RTL6: variants seen among roughly 807,000 people sequenced by gnomAD.
RTL6 encodes retrotransposon Gag-like protein 6.
A neutral mutation model predicts 12.4 loss-of-function variants in RTL6; 9 were observed. The ratio of observed to expected loss-of-function variants is 0.73; its 90% CI spans 0.44 to 1.27. The LOEUF is 1.27. Among genes scored for constraint, RTL6 ranks in the 50% most tolerant of loss-of-function variants. The pLI, the probability that RTL6 is intolerant of heterozygous loss-of-function variation, is 0.00. For synonymous variants in RTL6, 160 were observed against 142.8 expected (o/e 1.12, Z -0.86); for missense variants, 291 against 330.7 (o/e 0.88, Z 0.93).
chr22:44,495,156 TG>T lies in RTL6; in HGVS notation c.*1680del. On this transcript the variant is annotated 3_prime_UTR_variant, in exon 2 of 2. Transcript: ENST00000341255. The stretch of plus-strand genomic sequence containing the variant: ...AGCAGGGCAATTGGGCTAACAGAGT[TG>T]ATGGTGAGTGGGTGGCAGTAGTCTG... 6.5e-6 allele frequency: 1 copy of T among 152,686 alleles called. No homozygotes were observed. The highest frequency in any genetic ancestry group is 1.5e-5 in the Non-Finnish European group (1 of 68,068). The allele number at this position is 152,686 out of a possible 1,614,324, so 9.5% of individuals were successfully genotyped here. A position where few individuals can be genotyped will look rare whatever the true frequency, so the allele number is the denominator to read the frequency against.
Position 44,497,262 on chromosome 22 carries a change from T to G in RTL6, c.295A>C (p.Thr99Pro), listed in dbSNP as rs767579447. 6.2e-7 allele frequency: 1 copy of G among 1,613,602 alleles called. No homozygotes were observed. Among genetic ancestry groups the G allele is most frequent in the Non-Finnish European group, 8.5e-7 (1 of 1,179,874 alleles). The change falls in exon 2 of 2, where the codon ACC (threonine) becomes CCC (proline). Residue 99 changes from threonine to proline, a missense_variant. Physicochemically the swap from Thr to Pro is conservative, Grantham distance 38. This residue lies in a region of RTL6 where 155 missense variants were observed against 149.2 expected (regional missense o/e 1.04). Coordinates refer to ENST00000341255, the MANE Select transcript of RTL6 (RefSeq NM_032287.3). ...CCGGAAAAGGGCTCGGGCAGAGAGG[T>G]TGGAGGTGTGGTCATGGGTCGAGTC... ...NGTRPMTTPP[T>P]SLPEPFSGDP...
Position 44,497,101 on chromosome 22 carries a change from A to G in RTL6, c.456T>C (p.Ala152=). 6.2e-7 allele frequency: 1 copy of G among 1,614,210 alleles called. No homozygotes were observed. The highest frequency in any genetic ancestry group is 8.5e-7 in the Non-Finnish European group (1 of 1,180,026). Residue 152 remains alanine, a synonymous_variant, in exon 2 of 2, where the codon GCT becomes GCC. Transcript: ENST00000341255. The stretch of plus-strand genomic sequence containing the variant: ...GGCTGTCAGGTTGCATGTGGGGGAT[A>G]GCCCACTTCTCCGCCTCCCCAGTCA... ...SRLTGEAEKW[A]IPHMQPDSPL... is the part of the protein sequence containing the mutation.
rs1924390339 is a variant in RTL6, at chr22:44,494,610, C to T, written c.*2227G>A. On this transcript the variant is annotated 3_prime_UTR_variant, in exon 2 of 2. Transcript: ENST00000341255. ...ATGCCAAACAAAGGTGGAGCAGCTG[C>T]TTGGATTGGGTGCCCATAGGCAGAG... 6.5e-6 allele frequency: 1 copy of T among 152,698 alleles called. No individual in the cohort carries two copies. The highest frequency in any genetic ancestry group is 2.1e-4 in the South Asian group (1 of 4,818). 9.5% of individuals were successfully genotyped at this position (152,698 alleles called of 1,614,324 possible). A position where few individuals can be genotyped will look rare whatever the true frequency, so the allele number is the denominator to read the frequency against.
rs914206108 is a variant in RTL6, at chr22:44,495,269, C to T, written c.*1568G>A. The T allele has an allele frequency of 1.3e-5, 2 of 152,674 alleles. No individual in the cohort carries two copies. Among genetic ancestry groups the T allele is most frequent in the African/African-American group, 4.8e-5 (2 of 41,456 alleles). The allele number at this position is 152,674 out of a possible 1,614,324, so 9.5% of individuals were successfully genotyped here. A position where few individuals can be genotyped will look rare whatever the true frequency, so the allele number is the denominator to read the frequency against. ...GTCACTTTTCCCAGCATCATCAAAA[C>T]TCTTAAGAAGCCAGGCCCAAGGACC... On this transcript the variant is annotated 3_prime_UTR_variant, in exon 2 of 2. Transcript: ENST00000341255.
At position 44,492,628 on chromosome 22, in the gene RTL6, A is replaced by T. The variant is rs890460068; in HGVS notation, c.*4209T>A. The T allele has an allele frequency of 1.3e-5, 2 of 152,244 alleles. No homozygotes were observed. The highest frequency in any genetic ancestry group is 4.1e-4 in the South Asian group (2 of 4,832). 9.4% of individuals were successfully genotyped at this position (152,244 alleles called of 1,614,324 possible). A position where few individuals can be genotyped will look rare whatever the true frequency, so the allele number is the denominator to read the frequency against. The stretch of plus-strand genomic sequence containing the variant: ...TCTTTAATATATACCGAGCTCATAC[A>T]AATTTATCTGACCCCAGAAGATAGA... On this transcript the variant is annotated 3_prime_UTR_variant, in exon 2 of 2. Coordinates refer to ENST00000341255, the MANE Select transcript of RTL6 (RefSeq NM_032287.3).
At position 44,494,789 on chromosome 22, in the gene RTL6, A is replaced by G. The variant is rs1924398660; in HGVS notation, c.*2048T>C. 6.6e-6 allele frequency: 1 copy of G among 152,146 alleles called. No individual in the cohort carries two copies. The highest frequency in any genetic ancestry group is 1.5e-5 in the Non-Finnish European group (1 of 68,090). 9.4% of individuals were successfully genotyped at this position (152,146 alleles called of 1,614,324 possible). On this transcript the variant is annotated 3_prime_UTR_variant, in exon 2 of 2. Coordinates refer to ENST00000341255, the MANE Select transcript of RTL6 (RefSeq NM_032287.3). ...GACATGGTAGGGCTTTCAAAAAGCC[A>G]CTCGAGTAGAGTGAGCGCTGGCGAC...
chr22:44,492,810 C>A lies in RTL6; in HGVS notation c.*4027G>T, dbSNP rs942258207. ...TTTAGCCAGATGATAATTCCCAATA[C>A]GGGCAAGATGGACATGTTTATCCTT... On this transcript the variant is annotated 3_prime_UTR_variant, in exon 2 of 2. Coordinates refer to ENST00000341255, the MANE Select transcript of RTL6 (RefSeq NM_032287.3). 1 of 152,194 alleles carries A rather than the reference C, an allele frequency of 6.6e-6. No homozygotes were observed. Among genetic ancestry groups the A allele is most frequent in the Non-Finnish European group, 1.5e-5 (1 of 68,042 alleles). The allele number at this position is 152,194 out of a possible 1,614,324, so 9.4% of individuals were successfully genotyped here.
rs1924340007 is a variant in RTL6 at position 44,492,779 on chromosome 22, C to T, written c.*4058G>A. Reference sequence around the variant, plus strand: ...TGCTATTTTTTCATTATCAAATTAGCAAATATTTAGCCAGATGATAATTCC... The same window carrying T: ...TGCTATTTTTTCATTATCAAATTAGTAAATATTTAGCCAGATGATAATTCC... On this transcript the variant is annotated 3_prime_UTR_variant, in exon 2 of 2. Transcript: ENST00000341255. The T allele has an allele frequency of 6.6e-6, 1 of 152,164 alleles. No individual in the cohort carries two copies. The highest frequency in any genetic ancestry group is 2.4e-5 in the African/African-American group (1 of 41,434). 9.4% of individuals were successfully genotyped at this position (152,164 alleles called of 1,614,324 possible). A position where few individuals can be genotyped will look rare whatever the true frequency, so the allele number is the denominator to read the frequency against.
chr22:44,497,638 G>C lies in RTL6; in HGVS notation c.-82C>G. The C allele has an allele frequency of 6.6e-7, 1 of 1,506,860 alleles. No homozygotes were observed. The highest frequency in any genetic ancestry group is 1.3e-5 in the South Asian group (1 of 76,174). 93.3% of individuals were successfully genotyped at this position (1,506,860 alleles called of 1,614,324 possible). ...GACCAGGTGGGCCCCTGTAGAAATGGGGGCAGTGTGGGGTGCACGACGGCA... is the reference window on the plus strand; with the variant it reads ...GACCAGGTGGGCCCCTGTAGAAATGCGGGCAGTGTGGGGTGCACGACGGCA... On this transcript the variant is annotated 5_prime_UTR_variant, in exon 2 of 2. Coordinates refer to ENST00000341255, the MANE Select transcript of RTL6 (RefSeq NM_032287.3).
In RTL6 at chr22:44,496,907, C is replaced by A; in HGVS notation, c.650G>T (p.Cys217Phe). ...CCCGTTGGAAGCTGGATGCACTGGG[C>A]AAGGCCCCGTGCCCGCAGAGGCCAG... Reference protein sequence around the residue: ...RQLASAGTGPCPVHPASNGTS... With the variant: ...RQLASAGTGPFPVHPASNGTS... The change falls in exon 2 of 2, where the codon TGC becomes TTC. Residue 217 changes from cysteine (C) to phenylalanine (F), a missense_variant. By Grantham distance (205) the Cys-to-Phe change is radical. This residue lies in a region of RTL6 where 132 missense variants were observed against 163.9 expected (regional missense o/e 0.81). Coordinates refer to ENST00000341255, the MANE Select transcript of RTL6 (RefSeq NM_032287.3). 2 of 1,610,586 alleles carry A rather than the reference C, an allele frequency of 1.2e-6. No homozygotes were observed. The highest frequency in any genetic ancestry group is 1.7e-6 in the Non-Finnish European group (2 of 1,178,296).
At position 44,497,519 on chromosome 22, in the gene RTL6, G is replaced by T. The variant is rs1400675654; in HGVS notation, c.38C>A (p.Ala13Asp). The change falls in exon 2 of 2, where the codon GCC becomes GAC. Residue 13 changes from alanine (A) to aspartate (D), a missense_variant. This residue lies in a region of RTL6 where 155 missense variants were observed against 149.2 expected (regional missense o/e 1.04). Transcript: ENST00000341255. ...QPQTSKAESP[A>D]LAASPNAQMD... The stretch of plus-strand genomic sequence containing the variant: ...CTGGGCATTCGGAGACGCTGCCAAG[G>T]CTGGGCTTTCAGCTTTGGACGTCTG... 2 of 1,613,990 alleles carry T rather than the reference G, an allele frequency of 1.2e-6. No individual in the cohort carries two copies. Among genetic ancestry groups the T allele is most frequent in the Admixed American group, 3.3e-5 (2 of 60,016 alleles).
rs528387342 is a variant in RTL6 at position 44,497,354 on chromosome 22, C to T, written c.203G>A (p.Arg68His). The T allele has an allele frequency of 3.1e-6, 5 of 1,612,482 alleles. No homozygotes were observed. In the South Asian group the frequency reaches 4.4e-5, roughly 14 times the overall value. Residue 68 changes from arginine to histidine, a missense_variant, in exon 2 of 2, where the codon CGC becomes CAC. Arg to His is a conservative substitution (Grantham distance 29). Coordinates refer to ENST00000341255, the MANE Select transcript of RTL6 (RefSeq NM_032287.3). ...AGCCCCCGGGATCCGCGCCCTGGTG[C>T]GTAACAAGGTCAGCTCTGCCATCAC... ...ESVMAELTLL[R>H]TRARIPGALQ...
chr22:44,492,637 T>C lies in RTL6; in HGVS notation c.*4200A>G, dbSNP rs1417824809. On this transcript the variant is annotated 3_prime_UTR_variant, in exon 2 of 2. Transcript: ENST00000341255. ...TATACCGAGCTCATACAAATTTATCTGACCCCAGAAGATAGAGCAAAGGAC... is the reference window on the plus strand; with the variant it reads ...TATACCGAGCTCATACAAATTTATCCGACCCCAGAAGATAGAGCAAAGGAC... The C allele has an allele frequency of 6.6e-6, 1 of 152,218 alleles. No homozygotes were observed. The highest frequency in any genetic ancestry group is 2.4e-5 in the African/African-American group (1 of 41,448). 9.4% of individuals were successfully genotyped at this position (152,218 alleles called of 1,614,324 possible).
rs573407095 is a variant in RTL6 at position 44,497,699 on chromosome 22, G to C, written c.-143C>G. 529 of 1,161,248 alleles carry C rather than the reference G, an allele frequency of 4.6e-4. 5 individuals carry two copies. The African/African-American group carries it at 7.7e-3, about 17-fold the overall frequency. 71.9% of individuals were successfully genotyped at this position (1,161,248 alleles called of 1,614,324 possible). On this transcript the variant is annotated 5_prime_UTR_variant, in exon 2 of 2. Transcript: ENST00000341255. Reference sequence around the variant, plus strand: ...AGACCCCCAAGCCGAGGGCCCGAGAGAGGGGCACGCGGTGCCAGGCCCTAG... The same window carrying C: ...AGACCCCCAAGCCGAGGGCCCGAGACAGGGGCACGCGGTGCCAGGCCCTAG...
At position 44,497,763 on chromosome 22, in the gene RTL6, G is replaced by A; in HGVS notation, c.-207C>T. 1 of 626,704 alleles carries A rather than the reference G, an allele frequency of 1.6e-6. No homozygotes were observed. Among genetic ancestry groups the A allele is most frequent in the Non-Finnish European group, 2.8e-6 (1 of 353,374 alleles). 38.8% of individuals were successfully genotyped at this position (626,704 alleles called of 1,614,324 possible). A position where few individuals can be genotyped will look rare whatever the true frequency, so the allele number is the denominator to read the frequency against. The stretch of plus-strand genomic sequence containing the variant: ...GGTCCCACGCGGCTCCTTTACTGCA[G>A]ACTTCGCGGACTACGGAGCCAGACG... On this transcript the variant is annotated 5_prime_UTR_variant, in exon 2 of 2. Coordinates refer to ENST00000341255, the MANE Select transcript of RTL6 (RefSeq NM_032287.3).
chr22:44,496,767 A>G lies in RTL6; in HGVS notation c.*70T>C. ...ACAGGGGCAAAGCTGTCGTATGGGC[A>G]TTTCTTCTACACAGCAAAGAGCGTA... On this transcript the variant is annotated 3_prime_UTR_variant, in exon 2 of 2. Coordinates refer to ENST00000341255, the MANE Select transcript of RTL6 (RefSeq NM_032287.3). 1 of 1,502,346 alleles carries G rather than the reference A, an allele frequency of 6.7e-7. No individual in the cohort carries two copies. The highest frequency in any genetic ancestry group is 1.3e-5 in the South Asian group (1 of 74,744). The allele number at this position is 1,502,346 out of a possible 1,614,324, so 93.1% of individuals were successfully genotyped here. A position where few individuals can be genotyped will look rare whatever the true frequency, so the allele number is the denominator to read the frequency against.
rs947710113 is a variant in RTL6, at chr22:44,493,945, A to T, written c.*2892T>A. 1 of 152,236 alleles carries T rather than the reference A, an allele frequency of 6.6e-6. No individual in the cohort carries two copies. The highest frequency in any genetic ancestry group is 2.4e-5 in the African/African-American group (1 of 41,442). The allele number at this position is 152,236 out of a possible 1,614,324, so 9.4% of individuals were successfully genotyped here. A position where few individuals can be genotyped will look rare whatever the true frequency, so the allele number is the denominator to read the frequency against. On this transcript the variant is annotated 3_prime_UTR_variant, in exon 2 of 2. Coordinates refer to ENST00000341255, the MANE Select transcript of RTL6 (RefSeq NM_032287.3). ...TCCACTCCTCCTCATTGCTCATCAC[A>T]TACTTACCTGGGGACAATGAAATAG...
Position 44,497,113 on chromosome 22 carries a change from C to T in RTL6, c.444G>A (p.Ala148=), listed in dbSNP as rs748594163. 5.6e-6 allele frequency: 9 copies of T among 1,614,170 alleles called. No homozygotes were observed. Among genetic ancestry groups the T allele is most frequent in the Non-Finnish European group, 7.6e-6 (9 of 1,180,006 alleles). Residue 148 remains alanine, a synonymous_variant, in exon 2 of 2, where the codon GCG becomes GCA. Coordinates refer to ENST00000341255, the MANE Select transcript of RTL6 (RefSeq NM_032287.3). Reference sequence around the variant, plus strand: ...GCATGTGGGGGATAGCCCACTTCTCCGCCTCCCCAGTCAGTCGAGACACAA... The same window carrying T: ...GCATGTGGGGGATAGCCCACTTCTCTGCCTCCCCAGTCAGTCGAGACACAA... ...AFLVSRLTGE[A]EKWAIPHMQP...
Position 44,496,630 on chromosome 22 carries a change from AG to A in RTL6, c.*206del. On this transcript the variant is annotated 3_prime_UTR_variant, in exon 2 of 2. Transcript: ENST00000341255. ...AGCATGCAGTGAGCGATAGGTACAA[AG>A]CTAGCACGTAAGAGGAAGCACGGCA... 1 of 662,656 alleles carries A rather than the reference AG, an allele frequency of 1.5e-6. No homozygotes were observed. Among genetic ancestry groups the A allele is most frequent in the South Asian group, 1.9e-5 (1 of 52,926 alleles). 41.0% of individuals were successfully genotyped at this position (662,656 alleles called of 1,614,324 possible).
Sources: allele counts gnomAD v4.1 joint callset, GRCh38; gene constraint gnomAD v4.1.1; regional missense constraint gnomAD v4.1.1; transcripts MANE v1.5; gene names NCBI Gene and HGNC (gene_info 2026-07-23, HGNC 2026-07-21).